The following CYBB variants were observed in gnomAD, a reference collection of about 807,000 sequenced individuals.
CYBB encodes the protein NADPH oxidase 2.
In CYBB, 5 loss-of-function variants were observed where a neutral mutation model predicts 46.5. The ratio of observed to expected loss-of-function variants is 0.11; its 90% confidence interval spans 0.06 to 0.23. The LOEUF (loss-of-function observed/expected upper bound fraction) is 0.23. CYBB is among the 10% of genes least tolerant of loss of function. The probability of loss-of-function intolerance (pLI) is 1.00; values close to 1 mark genes in which losing one functional copy is unlikely to be tolerated. For synonymous variants in CYBB, 183 were observed against 156.7 expected (o/e 1.17, Z -1.26); for missense variants, 307 against 428.3 (o/e 0.72, Z 2.50).
rs1348667696 is a variant in CYBB, at chrX:37,781,974, C to T, written c.46-114C>T. 5 of 592,857 alleles carry T rather than the reference C, an allele frequency of 8.4e-6. No individual in the cohort carries two copies. In the East Asian group the frequency reaches 1.3e-4, roughly 16 times the overall value. 48.9% of individuals were successfully genotyped at this position (592,857 alleles called of 1,213,427 possible). On this transcript the variant is annotated intron_variant, in intron 1 of 12. Coordinates refer to ENST00000378588, the MANE Select transcript of CYBB (RefSeq NM_000397.4). ...AAGCTGGTTATATCCAGCTTTGTCA[C>T]TACCTTTGTCAAAGTTGGACTTGGG...
Position 37,789,400 on chromosome X carries a change from C to T in CYBB, c.253-2575C>T, listed in dbSNP as rs190246389. Among the ~76,000 whole-genome samples the T allele has an allele frequency of 1.8e-3, 197 of 108,841 alleles. 1 individual carries two copies. The highest frequency in any genetic ancestry group is 2.8e-3 in the Non-Finnish European group (145 of 52,382). The allele number at this position is 108,841 out of a possible 115,157, so 94.5% of individuals were successfully genotyped here. On this transcript the variant is annotated intron_variant, in intron 3 of 12. Coordinates refer to ENST00000378588, the MANE Select transcript of CYBB (RefSeq NM_000397.4). ...AGTCATTGGGGGTCATTCTAGAATT[C>T]TGTCTACCACAAGGACTCTCAGAAA...
chrX:37,801,421 A>C (rs1314385324), intron 8 of CYBB, 73 bp downstream of exon 8: 1 of 654,223 alleles, frequency 1.5e-6, no homozygotes, highest in Non-Finnish European at 2.6e-6. Flanking sequence ...CAACTCCTCT[A>C]TATCATTGAT....
rs754748195 is a variant in CYBB, at chrX:37,812,057, TAC to T, written c.*1148_*1149del. Reference sequence around the variant, plus strand: ...ACACCCACCCCTTATTTTCCGTAAATACACACACAAAATGGATCGCATCTGTG... The same window carrying T: ...ACACCCACCCCTTATTTTCCGTAAATACACACAAAATGGATCGCATCTGTG... On this transcript the variant is annotated 3_prime_UTR_variant, in exon 13 of 13. Transcript: ENST00000378588. 1 of 112,307 alleles carries T rather than the reference TAC, an allele frequency of 8.9e-6. No individual in the cohort carries two copies. Among genetic ancestry groups the T allele is most frequent in the African/African-American group, 3.2e-5 (1 of 30,868 alleles). 9.3% of individuals were successfully genotyped at this position (112,307 alleles called of 1,213,427 possible).
At chrX:37,809,735 C>T (rs1556472748) in intron 12 of CYBB, 44 bp downstream of exon 12, 1 of 1,188,866 alleles carries the variant, frequency 8.4e-7, no homozygotes, top group Admixed American at 2.2e-5. Flanking sequence ...TTGCATCTGC[C>T]TAAAGCGGCA....
intron 5 of CYBB, among the ~76,000 whole-genome samples, chrX:37,795,031 A>G (rs782818220): frequency 9.0e-6 from 1 of 111,030 alleles, no homozygotes; most frequent in Non-Finnish European, 1.9e-5. Context: ...GGGTGGCAAC[A>G]TTAACATAAC....
chrX:37,781,450 G>A (rs1190814833), intron 1 of CYBB, among the ~76,000 whole-genome samples: 1 of 112,503 alleles, frequency 8.9e-6, no homozygotes, highest in Non-Finnish European at 1.9e-5. Context: ...GGAGCTGAAG[G>A]TAGAGAACTG....
intron 1 of CYBB, 22 bp from the exon 2 acceptor site, chrX:37,782,066 G>A (rs1928962874): frequency 1.7e-6 from 2 of 1,161,396 alleles, no homozygotes; most frequent in Non-Finnish European, 2.4e-6. Context: ...GAAACTTCAT[G>A]CAATTATTTC....
At chrX:37,806,781 C>G (rs939542842) in intron 11 of CYBB, among the ~76,000 whole-genome samples, 1 of 111,139 alleles carries the variant, frequency 9.0e-6, no homozygotes, top group Non-Finnish European at 1.9e-5. Context: ...AATTCTCCCA[C>G]CAGGCACTCT....
chrX:37,812,231 T>C lies in CYBB; in HGVS notation c.*1314T>C, dbSNP rs748004724. ...GAGAGAGTCTCTAAATCACTGTTAGTGTGGCCAAGAGCAGGGTTTTCTTTT... is the reference window on the plus strand; with the variant it reads ...GAGAGAGTCTCTAAATCACTGTTAGCGTGGCCAAGAGCAGGGTTTTCTTTT... On this transcript the variant is annotated 3_prime_UTR_variant, in exon 13 of 13. Transcript: ENST00000378588. 4 of 112,205 alleles carry C rather than the reference T, an allele frequency of 3.6e-5. No homozygotes were observed. The highest frequency in any genetic ancestry group is 9.5e-5 in the Admixed American group (1 of 10,580). The allele number at this position is 112,205 out of a possible 1,213,427, so 9.2% of individuals were successfully genotyped here. A position where few individuals can be genotyped will look rare whatever the true frequency, so the allele number is the denominator to read the frequency against.
At chrX:37,787,661 A>T (rs1929100222) in intron 3 of CYBB, among the ~76,000 whole-genome samples, 1 of 111,847 alleles carries the variant, frequency 8.9e-6, no homozygotes, top group African/African-American at 3.3e-5. Flanking sequence ...GGCTGGCAAT[A>T]ATTTAGAAGT....
chrX:37,788,004 A>T (rs782736505), intron 3 of CYBB, among the ~76,000 whole-genome samples: 3 of 111,962 alleles, frequency 2.7e-5, no homozygotes, highest in Non-Finnish European at 3.8e-5. Context: ...TTTTACATTA[A>T]CTAGCTTTTT....
chrX:37,789,072 C>G lies in CYBB; in HGVS notation c.253-2903C>G, dbSNP rs200290970. 4.5e-5 allele frequency among the ~76,000 whole-genome samples: 5 copies of G among 111,247 alleles called. No homozygotes were observed. The East Asian group carries it at 1.4e-3, about 32-fold the overall frequency. On this transcript the variant is annotated intron_variant, in intron 3 of 12. Coordinates refer to ENST00000378588, the MANE Select transcript of CYBB (RefSeq NM_000397.4). ...ATGTAGCACTAGAGGTCCCTGTTTC[C>G]TTGCTGGTGATCATCTAGGGTCCAC...
intron 5 of CYBB, among the ~76,000 whole-genome samples, chrX:37,795,624 C>A (rs1277098031): frequency 8.9e-6 from 1 of 111,897 alleles, no homozygotes; most frequent in Non-Finnish European, 1.9e-5. Flanking sequence ...CCTTCAGACA[C>A]TTTTAGGACA....
chrX:37,791,103 A>G (rs1055826514), intron 3 of CYBB, among the ~76,000 whole-genome samples: 2 of 111,732 alleles, frequency 1.8e-5, no homozygotes, highest in Non-Finnish European at 3.8e-5. Flanking sequence ...CATGTAAAGT[A>G]TGAAATATCA....
chrX:37,793,591 T>G, intron 4 of CYBB, 74 bp from the exon 5 acceptor site: 1 of 1,103,993 alleles, frequency 9.1e-7, no homozygotes. Flanking sequence ...TCAGAGGCTG[T>G]CCCAGAAACC....
chrX:37,800,237 C>A (rs1457833047), intron 7 of CYBB, among the ~76,000 whole-genome samples: 2 of 111,572 alleles, frequency 1.8e-5, no homozygotes, highest in Non-Finnish European at 3.8e-5. Flanking sequence ...CAGCAATATC[C>A]AAATCTGGCT....
In CYBB at chrX:37,782,121, G is replaced by T. The variant is rs782168000; in HGVS notation, c.79G>T (p.Val27Phe). 1.7e-6 allele frequency: 2 copies of T among 1,208,858 alleles called. No individual in the cohort carries two copies. The highest frequency in any genetic ancestry group is 2.2e-6 in the Non-Finnish European group (2 of 894,060). ...VWLGLNVFLF[V>F]WYYRVYDIPP... ...GCTGGGGTTGAACGTCTTCCTCTTT[G>T]TCTGGTATTACCGGGTTTATGATAT... The change falls in exon 2 of 13, where the codon GTC (valine) becomes TTC (phenylalanine). Residue 27 changes from valine (V) to phenylalanine (F), a missense_variant. This residue lies in a region of CYBB where 103 missense variants were observed against 150.2 expected (regional missense o/e 0.69). Coordinates refer to ENST00000378588, the MANE Select transcript of CYBB (RefSeq NM_000397.4).
In CYBB at chrX:37,780,255, A is replaced by T. The variant is rs782275207; in HGVS notation, c.45+133A>T. On this transcript the variant is annotated intron_variant, in intron 1 of 12. Transcript: ENST00000378588. ...TGATTTACCATGTGAACCTATATCT[A>T]TCTGTAAACAGACTGAGTCCATTCT... The T allele has an allele frequency of 3.0e-5, 16 of 534,789 alleles. No individual in the cohort carries two copies. In the East Asian group the frequency reaches 5.8e-4, roughly 19 times the overall value. The allele number at this position is 534,789 out of a possible 1,213,427, so 44.1% of individuals were successfully genotyped here.
intron 6 of CYBB, among the ~76,000 whole-genome samples, chrX:37,797,578 A>T (rs1243673098): frequency 8.9e-6 from 1 of 111,942 alleles, no homozygotes; most frequent in Non-Finnish European, 1.9e-5. Flanking sequence ...AGAAGGAGAA[A>T]ATCAGATTAT....
Sources: allele counts gnomAD v4.1 joint callset (sites outside exome capture counted in the v4.1 genomes callset), GRCh38; gene constraint gnomAD v4.1.1; regional missense constraint gnomAD v4.1.1; transcripts MANE v1.5; gene names NCBI Gene and HGNC (gene_info 2026-07-23, HGNC 2026-07-21).